The following ZNF783 variants were observed in gnomAD, a reference collection of about 807,000 sequenced individuals.
ZNF783 encodes the protein zinc finger protein 783.
In ZNF783, 25 loss-of-function variants were observed where a neutral mutation model predicts 31.3. The ratio of observed to expected loss-of-function variants is 0.80; its 90% CI spans 0.58 to 1.11. The LOEUF (loss-of-function observed/expected upper bound fraction) is 1.11, where lower values mean the gene tolerates loss of function less well. ZNF783 is among the 50% of genes most tolerant of loss of function. The probability of loss-of-function intolerance (pLI) is 0.00; values close to 1 mark genes in which losing one functional copy is unlikely to be tolerated. For missense variants in ZNF783, 797 were observed against 760.0 expected (o/e 1.05, Z -0.57); for synonymous variants, 369 against 319.1 (o/e 1.16, Z -1.66).
chr7:149,269,825 C>T (rs1042208362), intron 4 of ZNF783, among the ~76,000 whole-genome samples: 5 of 119,272 alleles, frequency 4.2e-5, no homozygotes, highest in African/African-American at 1.6e-4. Flanking sequence ...CCCCCCTCCC[C>T]CCACCCCACA....
intron 4 of ZNF783, among the ~76,000 whole-genome samples, chr7:149,269,732 C>G (rs371800540): frequency 1.3e-5 from 2 of 151,806 alleles, no homozygotes; most frequent in Non-Finnish European, 1.5e-5. Flanking sequence ...AGGTTTGTTA[C>G]ATATGTATAC....
In ZNF783 at chr7:149,284,496, G is replaced by T. The variant is rs1032830467; in HGVS notation, c.*2153G>T. On this transcript the variant is annotated 3_prime_UTR_variant, in exon 6 of 6. Coordinates refer to ENST00000434415, the MANE Select transcript of ZNF783 (RefSeq NM_001195220.2). ...GCCAGGAGCTTCACAAACCAGAGACGGGCTGTCAGCAAGAGCTCAGACAGG... is the reference window on the plus strand; with the variant it reads ...GCCAGGAGCTTCACAAACCAGAGACTGGCTGTCAGCAAGAGCTCAGACAGG... 31 of 152,414 alleles carry T rather than the reference G, an allele frequency of 2.0e-4. No homozygotes were observed. The highest frequency in any genetic ancestry group is 6.5e-4 in the African/African-American group (27 of 41,566). The allele number at this position is 152,414 out of a possible 1,614,324, so 9.4% of individuals were successfully genotyped here.
At chr7:149,262,893 A>AT (rs1050248444) in intron 1 of ZNF783, among the ~76,000 whole-genome samples, 10 of 152,204 alleles carry the variant, frequency 6.6e-5, no homozygotes, top group African/African-American at 1.9e-4. Flanking sequence ...GAGATAGTAG[A>AT]TTTTTTTAAA....
chr7:149,267,330 G>A (rs1374528783), intron 4 of ZNF783, 108 bp downstream of exon 4: 4 of 1,442,492 alleles, frequency 2.8e-6, no homozygotes, highest in Non-Finnish European at 3.7e-6. Context: ...AGGGAGCATA[G>A]ACCATTAACC....
chr7:149,279,632 G>GTTTTTTTTTTTTTTTTTTTTTATTTT (rs1797413057), intron 5 of ZNF783, among the ~76,000 whole-genome samples: 1 of 100,344 alleles, frequency 1.0e-5, no homozygotes, highest in Non-Finnish European at 2.0e-5. Flanking sequence ...TTTTATCTTT[G>GTTTTTTTTTTTTTTTTTTTTTATTTT]TTTTTTTTTT....
At chr7:149,269,312 GA>G (rs1458860725) in intron 4 of ZNF783, among the ~76,000 whole-genome samples, 1 of 152,142 alleles carries the variant, frequency 6.6e-6, no homozygotes, top group Non-Finnish European at 1.5e-5. Flanking sequence ...ATAGATGCTG[GA>G]TGTTAGACCT....
At chr7:149,274,364 C>CTTTTTTTTTTTTTTTTTTTTTTCCTTTTT (rs1270564138) in intron 4 of ZNF783, among the ~76,000 whole-genome samples, 1 of 141,560 alleles carries the variant, frequency 7.1e-6, no homozygotes, top group Admixed American at 7.0e-5. Context: ...TTTTCCTTTT[C>CTTTTTTTTTTTTTTTTTTTTTTCCTTTTT]TTTTTTTTTT....
At chr7:149,279,883 C>A (rs1445766153) in intron 5 of ZNF783, among the ~76,000 whole-genome samples, 1 of 132,348 alleles carries the variant, frequency 7.6e-6, no homozygotes, top group Non-Finnish European at 1.7e-5. Flanking sequence ...TACACAGACA[C>A]GGCAACCATC....
At chr7:149,266,295 T>C in intron 1 of ZNF783, 40 bp from the exon 2 acceptor site, 5 of 1,487,420 alleles carry the variant, frequency 3.4e-6, no homozygotes, top group Non-Finnish European at 4.4e-6. Flanking sequence ...TTTGATTGTA[T>C]AATTCTCATA....
In ZNF783 at chr7:149,281,983, G is replaced by A; in HGVS notation, c.1281G>A (p.Gly427=). The A allele has an allele frequency of 3.8e-6, 6 of 1,575,096 alleles. No homozygotes were observed. Among genetic ancestry groups the A allele is most frequent in the Non-Finnish European group, 5.1e-6 (6 of 1,168,722 alleles). The change falls in exon 6 of 6, where the codon GGG becomes GGA. Residue 427 remains glycine, a synonymous_variant. Transcript: ENST00000434415. ...RSVAGGRALV[G]RRPAASKMYH... is the part of the protein sequence containing the mutation. Reference sequence around the variant, plus strand: ...TGGCAGGGGGCCGTGCCTTGGTGGGGCGGCGGCCTGCAGCCAGCAAGATGT... The same window carrying A: ...TGGCAGGGGGCCGTGCCTTGGTGGGACGGCGGCCTGCAGCCAGCAAGATGT...
chr7:149,267,763 C>G (rs1797116534), intron 4 of ZNF783, among the ~76,000 whole-genome samples: 1 of 152,078 alleles, frequency 6.6e-6, no homozygotes, highest in African/African-American at 2.4e-5. Flanking sequence ...CGCCACTGCA[C>G]TCCAGCCTGG....
chr7:149,281,484 C>T (rs1400404397), intron 5 of ZNF783, 21 bp from the exon 6 acceptor site: 1 of 1,427,744 alleles, frequency 7.0e-7, no homozygotes, highest in Non-Finnish European at 9.1e-7. Context: ...ACTTGGAAAC[C>T]AACATAGACT....
rs1450480043 is a variant in ZNF783 at position 149,266,655 on chromosome 7, T to C, written c.345T>C (p.Asn115=). ...EYGLLQRRLE[N]VENLLRNRNF... ...GGCTGCTGCAGAGGCGGCTGGAGAA[T>C]GTGGAGAACTTGCTGCGCAACAGGA... The change falls in exon 2 of 6, where the codon AAT becomes AAC. Residue 115 remains asparagine (N), a synonymous_variant. Coordinates refer to ENST00000434415, the MANE Select transcript of ZNF783 (RefSeq NM_001195220.2). 2.5e-6 allele frequency: 4 copies of C among 1,613,938 alleles called. No homozygotes were observed. The highest frequency in any genetic ancestry group is 3.4e-6 in the Non-Finnish European group (4 of 1,179,984).
intron 4 of ZNF783, chr7:149,276,243 A>T: frequency 4.4e-6 from 3 of 675,674 alleles, no homozygotes; most frequent in East Asian, 1.4e-4. Context: ...ATTTTCACTT[A>T]GACTGTTCTG....
chr7:149,276,686 T>TTTATTTAGTTA, intron 4 of ZNF783: 2 of 856,446 alleles, frequency 2.3e-6, no homozygotes, highest in Non-Finnish European at 2.8e-6. Flanking sequence ...TATTTATTTA[T>TTTATTTAGTTA]TTGAGACAGG....
Position 149,282,282 on chromosome 7 carries a change from C to T in ZNF783, c.1580C>T (p.Ala527Val), listed in dbSNP as rs1477967305. Reference protein sequence around the residue: ...ARGQVGPHFPAAPARHGSLPL... With the variant: ...ARGQVGPHFPVAPARHGSLPL... ...GGCCAGGTGGGCCCACACTTCCCTGCCGCCCCCGCCCGCCACGGGAGCCTG... is the reference window on the plus strand; with the variant it reads ...GGCCAGGTGGGCCCACACTTCCCTGTCGCCCCCGCCCGCCACGGGAGCCTG... Residue 527 changes from alanine to valine, a missense_variant, in exon 6 of 6, where the codon GCC (alanine) becomes GTC (valine). Transcript: ENST00000434415. The T allele has an allele frequency of 6.4e-7, 1 of 1,558,006 alleles. No homozygotes were observed. Among genetic ancestry groups the T allele is most frequent in the Non-Finnish European group, 8.6e-7 (1 of 1,160,298 alleles).
intron 1 of ZNF783, among the ~76,000 whole-genome samples, chr7:149,265,941 A>G (rs1031628121): frequency 1.3e-5 from 2 of 152,174 alleles, no homozygotes; most frequent in Non-Finnish European, 2.9e-5. Context: ...CTGGGGAGTC[A>G]TGTTCTCTGT....
intron 4 of ZNF783, chr7:149,277,361 A>T (rs982455139): frequency 6.6e-6 from 1 of 152,128 alleles, no homozygotes; most frequent in African/African-American, 2.4e-5. Context: ...TGCTGATTTC[A>T]TCTCTGATGG....
In ZNF783 at chr7:149,266,996, A is replaced by G. The variant is rs1490215786; in HGVS notation, c.547+51A>G. 12 of 1,613,338 alleles carry G rather than the reference A, an allele frequency of 7.4e-6. No homozygotes were observed. In the Admixed American group the frequency reaches 1.8e-4, roughly 25 times the overall value. On this transcript the variant is annotated intron_variant, in intron 3 of 5. Coordinates refer to ENST00000434415, the MANE Select transcript of ZNF783 (RefSeq NM_001195220.2). Reference sequence around the variant, plus strand: ...GCCTCTGTCCACAGGTTGTCTGTGGACAGTCTGTGTCTTTGCTTTGGCTTT... The same window carrying G: ...GCCTCTGTCCACAGGTTGTCTGTGGGCAGTCTGTGTCTTTGCTTTGGCTTT...
Sources: allele counts gnomAD v4.1 joint callset (sites outside exome capture counted in the v4.1 genomes callset), GRCh38; gene constraint gnomAD v4.1.1; transcripts MANE v1.5; gene names NCBI Gene and HGNC (gene_info 2026-07-23, HGNC 2026-07-21).